Variants in B3GAT2 observed in about 807,000 individuals in gnomAD.
B3GAT2 encodes beta-1,3-glucuronyltransferase 2.
Under a neutral mutation model 27.8 loss-of-function variants are expected in B3GAT2, and 26 were observed. The ratio of observed to expected loss-of-function variants is 0.93; its 90% CI spans 0.68 to 1.30. The LOEUF (loss-of-function observed/expected upper bound fraction) is 1.30. Among genes scored for constraint, B3GAT2 ranks in the 50% most tolerant of loss-of-function variants. The probability of loss-of-function intolerance (pLI) is 0.00; values close to 1 mark genes in which losing one functional copy is unlikely to be tolerated. For missense variants in B3GAT2, 458 were observed against 459.0 expected, an observed-to-expected ratio of 1.00 and a Z score of 0.02; for synonymous variants, 218 against 195.1, an observed-to-expected ratio of 1.12 and a Z score of -0.98.
At chr6:70,874,359 A>T (rs1387703478) in intron 2 of B3GAT2, among the ~76,000 whole-genome samples, 2 of 152,224 alleles carry the variant, frequency 1.3e-5, no homozygotes, top group East Asian at 3.8e-4. Context: ...AAATGCCTGG[A>T]ACCAGAGTCT....
At position 70,857,188 on chromosome 6, in the gene B3GAT2, GAATTAAAA is replaced by G. The variant is rs1296605799; in HGVS notation, c.*4467_*4474del. 3 of 653,002 alleles carry G rather than the reference GAATTAAAA, an allele frequency of 4.6e-6. No homozygotes were observed. The East Asian group carries it at 9.3e-5, about 20-fold the overall frequency. The allele number at this position is 653,002 out of a possible 1,614,324, so 40.5% of individuals were successfully genotyped here. ...ATGAAGCCGAAATGAATGAGCATTA[GAATTAAAA>G]AATTAAGAGGCATGTACAGGATTCA... On this transcript the variant is annotated 3_prime_UTR_variant, in exon 4 of 4. Transcript: ENST00000230053.
chr6:70,927,760 T>C (rs988264744), intron 1 of B3GAT2, among the ~76,000 whole-genome samples: 1 of 152,196 alleles, frequency 6.6e-6, no homozygotes, highest in Non-Finnish European at 1.5e-5. Context: ...AACACTCCAC[T>C]GTCAATATTA....
intron 1 of B3GAT2, among the ~76,000 whole-genome samples, chr6:70,916,826 C>T (rs1772781882): frequency 6.6e-6 from 1 of 151,712 alleles, no homozygotes; most frequent in Non-Finnish European, 1.5e-5. Context: ...ATTTTCATAT[C>T]GATGTTCATC....
At chr6:70,865,377 T>A (rs1436374125) in intron 2 of B3GAT2, among the ~76,000 whole-genome samples, 1 of 152,132 alleles carries the variant, frequency 6.6e-6, no homozygotes, top group African/African-American at 2.4e-5. Flanking sequence ...CTCGGCCTCC[T>A]AAAGTGCTGG....
chr6:70,952,110 G>T (rs1297958618), intron 1 of B3GAT2, among the ~76,000 whole-genome samples: 1 of 152,116 alleles, frequency 6.6e-6, no homozygotes, highest in African/African-American at 2.4e-5. Flanking sequence ...AAAAAAGCAA[G>T]ACAGAATTAA....
intron 2 of B3GAT2, among the ~76,000 whole-genome samples, chr6:70,889,352 T>C (rs1772245938): frequency 6.6e-6 from 1 of 152,096 alleles, no homozygotes; most frequent in African/African-American, 2.4e-5. Context: ...CTGTCTTTCC[T>C]ACTCATTTGC....
chr6:70,898,342 G>A (rs955651922), intron 1 of B3GAT2, among the ~76,000 whole-genome samples: 4 of 151,840 alleles, frequency 2.6e-5, no homozygotes, highest in African/African-American at 9.7e-5. Flanking sequence ...CCCCATAGGT[G>A]GGACAAAAAC....
intron 1 of B3GAT2, among the ~76,000 whole-genome samples, chr6:70,928,895 A>G (rs903295472): frequency 1.3e-5 from 2 of 152,240 alleles, no homozygotes; most frequent in African/African-American, 4.8e-5. Flanking sequence ...ATGCTGTTAT[A>G]AAGACACATG....
chr6:70,948,842 C>G (rs1039340303), intron 1 of B3GAT2, among the ~76,000 whole-genome samples: 9 of 152,164 alleles, frequency 5.9e-5, no homozygotes, highest in African/African-American at 2.2e-4. Context: ...TACTACAAGG[C>G]TACAGTTACC....
At chr6:70,934,864 T>A (rs1437065781) in intron 1 of B3GAT2, among the ~76,000 whole-genome samples, 1 of 152,216 alleles carries the variant, frequency 6.6e-6, no homozygotes, top group Admixed American at 6.5e-5. Flanking sequence ...CACTAAGAAA[T>A]CTAATAAATG....
intron 1 of B3GAT2, among the ~76,000 whole-genome samples, chr6:70,912,545 G>T (rs145574040): frequency 6.6e-6 from 1 of 152,114 alleles, no homozygotes; most frequent in East Asian, 1.9e-4. Context: ...ATTTTATTGA[G>T]AATTTTTGCA....
chr6:70,948,850 A>T (rs997954927), intron 1 of B3GAT2, among the ~76,000 whole-genome samples: 43 of 152,248 alleles, frequency 2.8e-4, no homozygotes, highest in Non-Finnish European at 4.4e-4. Flanking sequence ...GGCTACAGTT[A>T]CCAAAACAGA....
chr6:70,861,213 T>C lies in B3GAT2; in HGVS notation c.*450A>G, dbSNP rs1330141569. On this transcript the variant is annotated 3_prime_UTR_variant, in exon 4 of 4. Transcript: ENST00000230053. ...TATTTCCTATGATGTATACTGCCAC[T>C]AACCTTCCAAAAATTACTTAGTATT... is the stretch of plus-strand genomic sequence containing the variant. The C allele has an allele frequency of 5.8e-6, 1 of 171,666 alleles. No individual in the cohort carries two copies. The highest frequency in any genetic ancestry group is 1.3e-5 in the Non-Finnish European group (1 of 78,930). The allele number at this position is 171,666 out of a possible 1,614,324, so 10.6% of individuals were successfully genotyped here. A position where few individuals can be genotyped will look rare whatever the true frequency, so the allele number is the denominator to read the frequency against.
At chr6:70,941,064 T>C (rs1051562488) in intron 1 of B3GAT2, among the ~76,000 whole-genome samples, 2 of 152,178 alleles carry the variant, frequency 1.3e-5, no homozygotes, top group Non-Finnish European at 2.9e-5. Context: ...CAAGCCCTAT[T>C]TAACTCTTGT....
intron 1 of B3GAT2, among the ~76,000 whole-genome samples, chr6:70,945,401 A>G (rs1278707617): frequency 6.6e-6 from 1 of 152,184 alleles, no homozygotes; most frequent in Admixed American, 6.5e-5. Flanking sequence ...GCTGAAAGCC[A>G]AGGCTCAAGA....
intron 1 of B3GAT2, among the ~76,000 whole-genome samples, chr6:70,905,357 TC>T (rs1411348884): frequency 6.6e-6 from 1 of 152,218 alleles, no homozygotes; most frequent in Non-Finnish European, 1.5e-5. Flanking sequence ...CTTGCATAGA[TC>T]TGTATACTTC....
intron 2 of B3GAT2, among the ~76,000 whole-genome samples, chr6:70,875,081 G>A (rs1311557124): frequency 1.3e-5 from 2 of 150,890 alleles, no homozygotes; most frequent in African/African-American, 4.9e-5. Context: ...AGTTGACTTT[G>A]ACAAATTTTG....
At chr6:70,921,630 G>A (rs189843907) in intron 1 of B3GAT2, among the ~76,000 whole-genome samples, 4 of 152,178 alleles carry the variant, frequency 2.6e-5, no homozygotes, top group South Asian at 2.1e-4. Context: ...CCATTGCTAG[G>A]GAACCAGTGG....
At chr6:70,896,966 A>G (rs1046429030) in intron 1 of B3GAT2, among the ~76,000 whole-genome samples, 1 of 152,174 alleles carries the variant, frequency 6.6e-6, no homozygotes, top group African/African-American at 2.4e-5. Context: ...TATACATTTA[A>G]CTTTTTCAGA....
Sources: allele counts gnomAD v4.1 joint callset (sites outside exome capture counted in the v4.1 genomes callset), GRCh38; gene constraint gnomAD v4.1.1; transcripts MANE v1.5; gene names NCBI Gene and HGNC (gene_info 2026-07-23, HGNC 2026-07-21).